MINPP1: variants seen among roughly 807,000 people sequenced by gnomAD.
The protein encoded by MINPP1 is multiple inositol-polyphosphate phosphatase 1.
MINPP1 carries 28 observed loss-of-function variants against 46.1 expected under a neutral mutation model. That is an observed-to-expected ratio of 0.61 (90% confidence interval 0.45 to 0.83). The LOEUF is 0.83. Among genes scored for constraint, MINPP1 ranks in the 40% least tolerant of loss-of-function variants. MINPP1 has a pLI of 0.00. For synonymous variants in MINPP1, 268 were observed against 249.1 expected, an observed-to-expected ratio of 1.08 and a Z score of -0.72; for missense variants, 603 against 610.0, an observed-to-expected ratio of 0.99 and a Z score of 0.12.
At chr10:87,551,339 A>C (rs1167775871) in intron 4 of MINPP1, among the ~76,000 whole-genome samples, 1 of 152,076 alleles carries the variant, frequency 6.6e-6, no homozygotes, top group Non-Finnish European at 1.5e-5. Context: ...ATTTAAGAAA[A>C]ATATTATTTT....
chr10:87,513,031 A>G, intron 2 of MINPP1, 93 bp from the exon 3 acceptor site: 1 of 853,884 alleles, frequency 1.2e-6, no homozygotes, highest in Non-Finnish European at 2.0e-6. Context: ...CATTTTATTG[A>G]GCTGTACCAC....
intron 4 of MINPP1, 63 bp from the exon 5 acceptor site, chr10:87,552,019 G>A (rs983517806): frequency 6.1e-6 from 8 of 1,309,738 alleles, no homozygotes; most frequent in Admixed American, 2.2e-5. Context: ...ACTCCTAAGT[G>A]TAAATACTAT....
chr10:87,544,282 T>A (rs1564682862), intron 4 of MINPP1, among the ~76,000 whole-genome samples: 1 of 152,078 alleles, frequency 6.6e-6, no homozygotes, highest in African/African-American at 2.4e-5. Context: ...TAAAATGAGG[T>A]ATGGGGGAAA....
chr10:87,545,766 C>G (rs1204155522), intron 4 of MINPP1, among the ~76,000 whole-genome samples: 1 of 152,136 alleles, frequency 6.6e-6, no homozygotes, highest in African/African-American at 2.4e-5. Flanking sequence ...CCTCAGAATC[C>G]TTCTCAATGC....
rs114260092 is a variant in MINPP1, at chr10:87,544,713, C to A, written c.1068-7369C>A. On this transcript the variant is annotated intron_variant, in intron 4 of 4. Coordinates refer to ENST00000371996, the MANE Select transcript of MINPP1 (RefSeq NM_004897.5). ...AGAAAGAAGCCTCTCTCCTTTCTTA[C>A]GGAGCCTAGAGGAATAAAGATAATA... 4.9e-3 allele frequency among the ~76,000 whole-genome samples: 742 copies of A among 152,074 alleles called. 11 individuals are homozygous for A. Among genetic ancestry groups the A allele is most frequent in the African/African-American group, 0.017 (715 of 41,480 alleles).
intron 4 of MINPP1, among the ~76,000 whole-genome samples, chr10:87,542,317 CT>C (rs34500466): frequency 0.38 from 57,128 of 148,496 alleles, 11,591 homozygotes; most frequent in Non-Finnish European, 0.47. Context: ...CTCTCTCTCT[CT>C]TTTTTTTTTT....
chr10:87,534,001 G>A (rs1350266524), intron 4 of MINPP1, among the ~76,000 whole-genome samples: 1 of 149,846 alleles, frequency 6.7e-6, no homozygotes, highest in Non-Finnish European at 1.5e-5. Flanking sequence ...AATCTTTTCA[G>A]TGCTAGGAAT....
intron 4 of MINPP1, among the ~76,000 whole-genome samples, chr10:87,545,380 A>G (rs1851872257): frequency 6.6e-6 from 1 of 151,948 alleles, no homozygotes; most frequent in East Asian, 1.9e-4. Flanking sequence ...GTGTACATAC[A>G]TTTAGGAGTG....
At position 87,552,191 on chromosome 10, in the gene MINPP1, T is replaced by A. The variant is rs1467219558; in HGVS notation, c.1177T>A (p.Tyr393Asn). The A allele has an allele frequency of 6.2e-7, 1 of 1,613,746 alleles. No homozygotes were observed. The change falls in exon 5 of 5, where the codon TAC (tyrosine) becomes AAC (asparagine). Residue 393 changes from tyrosine to asparagine, a missense_variant. By Grantham distance (143) the Tyr-to-Asn change is moderately radical. Coordinates refer to ENST00000371996, the MANE Select transcript of MINPP1 (RefSeq NM_004897.5). The part of the protein sequence containing the change: ...YFKDKEPLTA[Y>N]NYKKQMHRKF... ...CAAAGACAAGGAACCCCTAACAGCG[T>A]ACAATTACAAAAAACAAATGCATCG...
At chr10:87,518,153 G>A (rs1425020792) in intron 3 of MINPP1, among the ~76,000 whole-genome samples, 2 of 151,096 alleles carry the variant, frequency 1.3e-5, no homozygotes, top group African/African-American at 4.9e-5. Flanking sequence ...TAGAGACGGG[G>A]TTTCACCCTG....
At chr10:87,506,255 C>T (rs879768201) in intron 1 of MINPP1, among the ~76,000 whole-genome samples, 25 of 151,824 alleles carry the variant, frequency 1.6e-4, no homozygotes, top group African/African-American at 5.8e-4. Flanking sequence ...AGTAAGGCCC[C>T]GTTATTTCAC....
At chr10:87,550,823 T>G (rs917770357) in intron 4 of MINPP1, among the ~76,000 whole-genome samples, 1 of 151,918 alleles carries the variant, frequency 6.6e-6, no homozygotes, top group Non-Finnish European at 1.5e-5. Flanking sequence ...GTTTCTCTAG[T>G]GTGAGCCCTG....
At chr10:87,518,229 G>A (rs1851442411) in intron 3 of MINPP1, among the ~76,000 whole-genome samples, 1 of 151,610 alleles carries the variant, frequency 6.6e-6, no homozygotes, top group Non-Finnish European at 1.5e-5. Context: ...AAAGTGCTGG[G>A]ATTACAGGCG....
chr10:87,519,787 T>C (rs1396507011), intron 3 of MINPP1, among the ~76,000 whole-genome samples: 1 of 152,230 alleles, frequency 6.6e-6, no homozygotes, highest in Non-Finnish European at 1.5e-5. Context: ...CTTGAACCTC[T>C]TTTGGGTTAC....
At chr10:87,508,058 T>G in intron 1 of MINPP1, 1 of 1,453,832 alleles carries the variant, frequency 6.9e-7, no homozygotes, top group Non-Finnish European at 9.0e-7. Flanking sequence ...ACAGTACTTA[T>G]TAATGTATGA....
At position 87,552,359 on chromosome 10, in the gene MINPP1, C is replaced by T; in HGVS notation, c.1345C>T (p.Gln449Ter). 6.2e-7 allele frequency: 1 copy of T among 1,613,690 alleles called. No homozygotes were observed. Residue 449 changes from glutamine (Q) to a stop codon, truncating the protein, a stop_gained, in exon 5 of 5, where the codon CAA becomes TAA. Coordinates refer to ENST00000371996, the MANE Select transcript of MINPP1 (RefSeq NM_004897.5). LOFTEE classifies it high-confidence loss of function. The stretch of plus-strand genomic sequence containing the variant: ...AAAGGTGTTACCTTTGGCTTACTCA[C>T]AAGAAACTGTTTCATTTTATGAAGA... ...NEKVLPLAYS[Q>*]ETVSFYEDLK...
At chr10:87,525,834 C>T (rs1851569007) in intron 4 of MINPP1, among the ~76,000 whole-genome samples, 1 of 152,196 alleles carries the variant, frequency 6.6e-6, no homozygotes, top group African/African-American at 2.4e-5. Context: ...CGATAGTTTG[C>T]TCAGAATGAT....
In MINPP1 at chr10:87,504,905, C is replaced by G. The variant is rs902142942; in HGVS notation, c.-11C>G. ...CAGCTGGCTCGGCGCACTCCACTGA[C>G]CGTCCCGACGATGCTACGCGCGCCC... On this transcript the variant is annotated 5_prime_UTR_variant, in exon 1 of 5. Transcript: ENST00000371996. 36 of 1,609,132 alleles carry G rather than the reference C, an allele frequency of 2.2e-5. No individual in the cohort carries two copies. Among genetic ancestry groups the G allele is most frequent in the Non-Finnish European group, 3.0e-5 (35 of 1,178,982 alleles).
Position 87,507,895 on chromosome 10 carries a change from T to A in MINPP1, c.638-441T>A, listed in dbSNP as rs973924153. On this transcript the variant is annotated intron_variant, in intron 1 of 4. Transcript: ENST00000371996. ...AGAATCTTTGTAAAGTAATACAGAGTTGGGAAGGTTAATTGAGAAAATAAA... is the reference window on the plus strand; with the variant it reads ...AGAATCTTTGTAAAGTAATACAGAGATGGGAAGGTTAATTGAGAAAATAAA... The A allele has an allele frequency of 3.1e-5, 36 of 1,156,712 alleles. No homozygotes were observed. In the African/African-American group the frequency reaches 5.7e-4, roughly 18 times the overall value. 71.7% of individuals were successfully genotyped at this position (1,156,712 alleles called of 1,614,324 possible). A position where few individuals can be genotyped will look rare whatever the true frequency, so the allele number is the denominator to read the frequency against.
Sources: allele counts gnomAD v4.1 joint callset (sites outside exome capture counted in the v4.1 genomes callset), GRCh38; gene constraint gnomAD v4.1.1; transcripts MANE v1.5; gene names NCBI Gene and HGNC (gene_info 2026-07-23, HGNC 2026-07-21).